The following PAK4 variants were observed in gnomAD, a reference collection of about 807,000 sequenced individuals.
PAK4 encodes the protein p21 (RAC1) activated kinase 4, also known as serine/threonine-protein kinase PAK 4.
A neutral mutation model predicts 53.5 loss-of-function variants in PAK4; 49 were observed. The ratio of observed to expected loss-of-function variants is 0.92; its 90% CI spans 0.73 to 1.16. The LOEUF (loss-of-function observed/expected upper bound fraction) is 1.16. PAK4 is among the 50% of genes most tolerant of loss of function. The pLI, the probability that PAK4 is intolerant of heterozygous loss-of-function variation, is 0.00. For missense variants in PAK4, 824 were observed against 850.7 expected, an observed-to-expected ratio of 0.97 and a Z score of 0.39; for synonymous variants, 376 against 375.6, an observed-to-expected ratio of 1.00 and a Z score of -0.01.
intron 1 of PAK4, among the ~76,000 whole-genome samples, chr19:39,162,752 G>A (rs1290803485): frequency 6.6e-6 from 1 of 152,180 alleles, no homozygotes; most frequent in Admixed American, 6.5e-5. Context: ...TCTGACTGTT[G>A]GGTGCACTGC....
chr19:39,160,490 C>G (rs1482331633), intron 1 of PAK4, among the ~76,000 whole-genome samples: 1 of 151,970 alleles, frequency 6.6e-6, no homozygotes, highest in Non-Finnish European at 1.5e-5. Context: ...ACATTTTGTT[C>G]AGGGGTCAGG....
exon 3 of PAK4, chr19:39,172,972 G>A: frequency 6.5e-7 from 1 of 1,548,300 alleles, no homozygotes; most frequent in Admixed American, 2.0e-5. Flanking sequence ...GCTGCTGCTG[G>A]ACGAGTTTGA....
rs552678843 is a variant in PAK4 at position 39,169,289 on chromosome 19, C to T, written c.-22-243C>T. ...GAGAGGTGATGGGGCCTTGTGGGCCCGCAGGAGACAGAGCGGCAGGAAAGT... is the reference window on the plus strand; with the variant it reads ...GAGAGGTGATGGGGCCTTGTGGGCCTGCAGGAGACAGAGCGGCAGGAAAGT... On this transcript the variant is annotated intron_variant, in intron 1 of 8. Coordinates refer to ENST00000358301, the Ensembl canonical transcript of PAK4. Among the ~76,000 whole-genome samples, 14 of 152,144 alleles carry T rather than the reference C, an allele frequency of 9.2e-5. No individual in the cohort carries two copies. In the South Asian group the frequency reaches 2.5e-3, roughly 27 times the overall value.
rs563342581 is a variant in PAK4 at position 39,142,180 on chromosome 19, T to C, written c.-23+16261T>C. 1.3e-3 allele frequency among the ~76,000 whole-genome samples: 198 copies of C among 152,296 alleles called. 1 individual carries two copies. Among genetic ancestry groups the C allele is most frequent in the Non-Finnish European group, 2.2e-3 (152 of 68,022 alleles). On this transcript the variant is annotated intron_variant, in intron 1 of 8. Transcript: ENST00000358301. The stretch of plus-strand genomic sequence containing the variant: ...CTTTGGCGTGCATGTTGTCGTAGTT[T>C]TTCTACAGGCGACCTAGGCCATTTG...
chr19:39,164,396 G>A (rs1025001120), intron 1 of PAK4, among the ~76,000 whole-genome samples: 1 of 152,034 alleles, frequency 6.6e-6, no homozygotes, highest in African/African-American at 2.4e-5. Flanking sequence ...GACAGGAGCA[G>A]GGCTTGTGAG....
chr19:39,138,747 A>G (rs116613456), intron 1 of PAK4, among the ~76,000 whole-genome samples: 42 of 152,252 alleles, frequency 2.8e-4, no homozygotes, highest in African/African-American at 8.7e-4. Flanking sequence ...GGAGGCTGTA[A>G]TTTTCCTGAA....
intron 1 of PAK4, among the ~76,000 whole-genome samples, chr19:39,132,585 C>G (rs1194378246): frequency 6.6e-6 from 1 of 152,264 alleles, no homozygotes; most frequent in South Asian, 2.1e-4. Context: ...TGATGGCCAT[C>G]AGGCCATTCC....
intron 7 of PAK4, 100 bp from the exon 9 acceptor site, chr19:39,177,575 C>T (rs1391388310): frequency 1.5e-6 from 2 of 1,317,592 alleles, no homozygotes; most frequent in Non-Finnish European, 2.0e-6. Flanking sequence ...ACTCCAGGAG[C>T]CAGAGGCAGA....
intron 1 of PAK4, among the ~76,000 whole-genome samples, chr19:39,131,481 A>G (rs951613689): frequency 2.6e-5 from 4 of 152,142 alleles, no homozygotes; most frequent in Non-Finnish European, 4.4e-5. Flanking sequence ...TGCTGCCAGC[A>G]GGAAGCAACC....
intron 2 of PAK4, among the ~76,000 whole-genome samples, chr19:39,172,705 G>A (rs2074505766): frequency 6.6e-6 from 1 of 152,108 alleles, no homozygotes; most frequent in South Asian, 2.1e-4. Context: ...CAGCAGCCTG[G>A]CCATGGCGAT....
exon 8 of PAK4, chr19:39,177,728 C>T (rs561122844): frequency 2.5e-6 from 4 of 1,613,604 alleles, no homozygotes; most frequent in South Asian, 1.1e-5. Flanking sequence ...ACGGAGAGCC[C>T]CCCTACTTCA....
At chr19:39,142,848 C>T (rs1430278379) in intron 1 of PAK4, among the ~76,000 whole-genome samples, 1 of 152,188 alleles carries the variant, frequency 6.6e-6, no homozygotes, top group Non-Finnish European at 1.5e-5. Context: ...GCCATACGTC[C>T]CTTGGGCTGT....
Position 39,178,381 on chromosome 19 carries a change from A to G in PAK4, c.1621-43A>G, listed in dbSNP as rs745553924. 2 of 1,549,772 alleles carry G rather than the reference A, an allele frequency of 1.3e-6. No individual in the cohort carries two copies. Among genetic ancestry groups the G allele is most frequent in the Admixed American group, 1.9e-5 (1 of 51,396 alleles). On this transcript the variant is annotated intron_variant, in intron 8 of 8. Coordinates refer to ENST00000358301, the Ensembl canonical transcript of PAK4. The surrounding 1 kb of genome is among the most constrained non-coding windows in gnomAD (Gnocchi z 4.4). ...CACTGCAGCCCTACAGCAAATGAACAGTGGGGAGCCTCGCCCCCTGACCCT... is the reference window on the plus strand; with the variant it reads ...CACTGCAGCCCTACAGCAAATGAACGGTGGGGAGCCTCGCCCCCTGACCCT...
At chr19:39,134,702 C>T (rs141188548) in intron 1 of PAK4, among the ~76,000 whole-genome samples, 4,958 of 150,244 alleles carry the variant, frequency 0.033, 223 homozygotes, top group African/African-American at 0.081. Flanking sequence ...TGGGTTCAAG[C>T]GATTCACCTG....
intron 1 of PAK4, among the ~76,000 whole-genome samples, chr19:39,142,520 G>A (rs1382806266): frequency 2.0e-5 from 3 of 152,184 alleles, no homozygotes; most frequent in Non-Finnish European, 2.9e-5. Context: ...CAGAAGTAGG[G>A]TGGGAGGGAC....
At chr19:39,145,659 T>C (rs531582600) in intron 1 of PAK4, among the ~76,000 whole-genome samples, 1 of 152,264 alleles carries the variant, frequency 6.6e-6, no homozygotes, top group Admixed American at 6.5e-5. Context: ...CCTGAGCTTA[T>C]GTAAGGTGTA....
downstream of PAK4, chr19:39,179,421 G>GT (rs1341154441): frequency 7.5e-6 from 1 of 134,140 alleles, no homozygotes; most frequent in African/African-American, 2.5e-5. Context: ...TGTGCGATGT[G>GT]TGGGGGGCAG....
intron 2 of PAK4, among the ~76,000 whole-genome samples, chr19:39,170,814 G>T (rs891132570): frequency 3.3e-5 from 5 of 152,248 alleles, no homozygotes; most frequent in Non-Finnish European, 5.9e-5. Flanking sequence ...TGACTTCTTT[G>T]CCTCCACTGA....
chr19:39,141,645 T>C (rs761274546), intron 1 of PAK4, among the ~76,000 whole-genome samples: 8 of 150,258 alleles, frequency 5.3e-5, no homozygotes, highest in Non-Finnish European at 1.0e-4. Context: ...TTTTTGTTGT[T>C]GTTGTTTGAG....
Sources: allele counts gnomAD v4.1 joint callset (sites outside exome capture counted in the v4.1 genomes callset), GRCh38; gene constraint gnomAD v4.1.1; non-coding constraint Gnocchi (gnomAD v3.1); transcripts MANE v1.5; gene names NCBI Gene and HGNC (gene_info 2026-07-23, HGNC 2026-07-21).